Variants in DLGAP4 observed in about 807,000 individuals in gnomAD.
DLGAP4 encodes DLG associated protein 4, also known as disks large-associated protein 4.
DLGAP4 carries 18 observed loss-of-function variants against 86.9 expected under a neutral mutation model. The observed-to-expected ratio is 0.21, with a 90% CI of 0.14 to 0.31. The LOEUF (loss-of-function observed/expected upper bound fraction) is 0.31. Among genes scored for constraint, DLGAP4 ranks in the 10% least tolerant of loss-of-function variants. DLGAP4 has a pLI of 1.00. For missense variants in DLGAP4, 1,085 were observed against 1,362.6 expected (o/e 0.80, Z 3.21); for synonymous variants, 548 against 574.3 (o/e 0.95, Z 0.65).
chr20:36,384,254 C>T (rs1318306952), intron 2 of DLGAP4, among the ~76,000 whole-genome samples: 2 of 152,056 alleles, frequency 1.3e-5, no homozygotes, highest in African/African-American at 4.8e-5. Flanking sequence ...GGTCCCGACG[C>T]CTGGGGGTGC....
At chr20:36,321,358 C>G (rs2067657675) in intron 1 of DLGAP4, among the ~76,000 whole-genome samples, 1 of 152,254 alleles carries the variant, frequency 6.6e-6, no homozygotes. Context: ...CCTCAAGTGC[C>G]AGGCTGAGGG....
At chr20:36,359,859 G>A (rs550706788) in intron 1 of DLGAP4, among the ~76,000 whole-genome samples, 2 of 152,258 alleles carry the variant, frequency 1.3e-5, no homozygotes, top group East Asian at 3.9e-4. Context: ...AGTTCATCGG[G>A]CACTGGGGGC....
chr20:36,442,753 C>G lies in DLGAP4; in HGVS notation c.1383C>G (p.Pro461=). 3.1e-6 allele frequency: 5 copies of G among 1,614,210 alleles called. No individual in the cohort carries two copies. The highest frequency in any genetic ancestry group is 4.2e-6 in the Non-Finnish European group (5 of 1,180,030). The part of the protein sequence containing the change: ...SQIFGQASLI[P]QLFGHEQQVR... ...TTTTTGGACAGGCCTCCCTGATCCCCCAGTTGTTTGGCCATGAGCAGCAGG... is the reference window on the plus strand; with the variant it reads ...TTTTTGGACAGGCCTCCCTGATCCCGCAGTTGTTTGGCCATGAGCAGCAGG... The change falls in exon 6 of 13, where the codon CCC becomes CCG. Residue 461 remains proline (P), a synonymous_variant. Transcript: ENST00000339266.
At chr20:36,461,666 CGGCCCGGCCCGG>C in intron 7 of DLGAP4, 6 of 172,548 alleles carry the variant, frequency 3.5e-5, no homozygotes, top group Non-Finnish European at 5.8e-5. Flanking sequence ...CCGCCCCGCC[CGGCCCGGCCCGG>C]CCCTGCCCCG....
At position 36,431,824 on chromosome 20, in the gene DLGAP4, C is replaced by G; in HGVS notation, c.107C>G (p.Pro36Arg). The change falls in exon 3 of 13, where the codon CCC becomes CGC. Residue 36 changes from proline (P) to arginine (R), a missense_variant. Transcript: ENST00000339266. This position sits in a 1 kb window ranked among gnomAD's most constrained non-coding sequence, Gnocchi z 5.1. Reference protein sequence around the residue: ...GTDRNPYLLSPTEAFAREARF... With the variant: ...GTDRNPYLLSRTEAFAREARF... ...GACCGCAACCCCTACCTGCTGTCGC[C>G]CACGGAGGCCTTCGCCCGCGAGGCC... 1 of 1,613,926 alleles carries G rather than the reference C, an allele frequency of 6.2e-7. No individual in the cohort carries two copies. The highest frequency in any genetic ancestry group is 8.5e-7 in the Non-Finnish European group (1 of 1,179,946).
At chr20:36,490,302 C>G (rs1247727561) in intron 7 of DLGAP4, among the ~76,000 whole-genome samples, 1 of 152,186 alleles carries the variant, frequency 6.6e-6, no homozygotes, top group Non-Finnish European at 1.5e-5. Flanking sequence ...GCTTGGAATT[C>G]TCTTCCCAGC....
At position 36,432,311 on chromosome 20, in the gene DLGAP4, C is replaced by T. The variant is rs199583974; in HGVS notation, c.594C>T (p.Arg198=). ...CTGGGGAGCCCAAACGGCGCAGCCG[C>T]TCCAACATCTCAGGCTGGTGGAGCT... is the stretch of plus-strand genomic sequence containing the variant. ...AKAGEPKRRS[R]SNISGWWSSD... is the part of the protein sequence containing the mutation. The change falls in exon 3 of 13, where the codon CGC becomes CGT. Residue 198 remains arginine, a synonymous_variant. Coordinates refer to ENST00000339266, the MANE Select transcript of DLGAP4 (RefSeq NM_001365621.2). This position sits in a 1 kb window ranked among gnomAD's most constrained non-coding sequence, Gnocchi z 6.5. 3.1e-6 allele frequency: 5 copies of T among 1,613,676 alleles called. No homozygotes were observed. Among genetic ancestry groups the T allele is most frequent in the Non-Finnish European group, 3.4e-6 (4 of 1,179,886 alleles).
At chr20:36,349,711 A>C (rs782018475) in intron 1 of DLGAP4, among the ~76,000 whole-genome samples, 25 of 152,174 alleles carry the variant, frequency 1.6e-4, no homozygotes, top group Admixed American at 4.6e-4. Context: ...GTTGTTCAAC[A>C]GATAAGGTAC....
At chr20:36,499,555 T>C (rs201002983) in intron 8 of DLGAP4, 33 bp from the exon 9 acceptor site, 60 of 1,603,930 alleles carry the variant, frequency 3.7e-5, no homozygotes, top group Non-Finnish European at 5.0e-5. Flanking sequence ...TGTCTTTGTC[T>C]CCGTGCCGTT....
At position 36,357,172 on chromosome 20, in the gene DLGAP4, C is replaced by T. The variant is rs188224418; in HGVS notation, c.-303-9873C>T. 2.3e-3 allele frequency among the ~76,000 whole-genome samples: 356 copies of T among 152,262 alleles called. 3 individuals carry two copies. The highest frequency in any genetic ancestry group is 8.1e-3 in the African/African-American group (337 of 41,534). On this transcript the variant is annotated intron_variant, in intron 1 of 12. Coordinates refer to ENST00000339266, the MANE Select transcript of DLGAP4 (RefSeq NM_001365621.2). ...GAGCCCCCACCTGCATTTCCAGCCCCGTCTCTCCCCTCTCTCCTCTCGTCC... is the reference window on the plus strand; with the variant it reads ...GAGCCCCCACCTGCATTTCCAGCCCTGTCTCTCCCCTCTCTCCTCTCGTCC...
intron 1 of DLGAP4, among the ~76,000 whole-genome samples, chr20:36,327,124 C>T (rs1300925443): frequency 4.0e-5 from 6 of 151,552 alleles, no homozygotes; most frequent in East Asian, 1.9e-4. Context: ...CTCAGCCTCC[C>T]GAGTAGCTGG....
chr20:36,484,835 G>A (rs961251167), intron 7 of DLGAP4, among the ~76,000 whole-genome samples: 1 of 152,350 alleles, frequency 6.6e-6, no homozygotes, highest in Admixed American at 6.5e-5. Flanking sequence ...GGCCACTGCC[G>A]CTGCACGTGC....
At chr20:36,327,736 C>T (rs1275683316) in intron 1 of DLGAP4, among the ~76,000 whole-genome samples, 4 of 147,302 alleles carry the variant, frequency 2.7e-5, no homozygotes, top group Non-Finnish European at 6.1e-5. Flanking sequence ...GGACTACAGG[C>T]GCCCGCCACT....
At chr20:36,357,689 G>A (rs915199003) in intron 1 of DLGAP4, among the ~76,000 whole-genome samples, 3 of 152,216 alleles carry the variant, frequency 2.0e-5, no homozygotes, top group East Asian at 3.8e-4. Flanking sequence ...CGATGAGGTC[G>A]GAGAATGGTT....
Position 36,500,760 on chromosome 20 carries a change from G to T in DLGAP4, c.2512+149G>T, listed in dbSNP as rs1276719957. 10 of 710,246 alleles carry T rather than the reference G, an allele frequency of 1.4e-5. No individual in the cohort carries two copies. In the South Asian group the frequency reaches 4.2e-4, roughly 30 times the overall value. The allele number at this position is 710,246 out of a possible 1,614,324, so 44.0% of individuals were successfully genotyped here. On this transcript the variant is annotated intron_variant, in intron 10 of 12. Transcript: ENST00000339266. This position sits in a 1 kb window ranked among gnomAD's most constrained non-coding sequence, Gnocchi z 4.6. ...TTTGAGCTCCCTTCTTACTTTCTTC[G>T]CATTCTTCCATCCATCCACCTATTT...
At chr20:36,366,715 C>G (rs904756887) in intron 1 of DLGAP4, among the ~76,000 whole-genome samples, 2 of 152,158 alleles carry the variant, frequency 1.3e-5, no homozygotes, top group East Asian at 3.9e-4. Flanking sequence ...TTCTCCCATC[C>G]GGGGAAAAGG....
At chr20:36,455,977 G>A (rs1024574914) in intron 7 of DLGAP4, among the ~76,000 whole-genome samples, 12 of 152,136 alleles carry the variant, frequency 7.9e-5, no homozygotes, top group Admixed American at 7.9e-4. Context: ...CATCATGTCC[G>A]GAGATTGCAA....
intron 1 of DLGAP4, among the ~76,000 whole-genome samples, chr20:36,346,578 T>G (rs1555893015): frequency 6.6e-6 from 1 of 151,942 alleles, no homozygotes. Flanking sequence ...TGGTGTGGGA[T>G]GAGCTGGTAG....
At chr20:36,344,492 T>A (rs1455140790) in intron 1 of DLGAP4, among the ~76,000 whole-genome samples, 2 of 152,180 alleles carry the variant, frequency 1.3e-5, no homozygotes, top group Non-Finnish European at 2.9e-5. Context: ...GTGAGGTCAG[T>A]GCCCTTATTC....
Sources: allele counts gnomAD v4.1 joint callset (sites outside exome capture counted in the v4.1 genomes callset), GRCh38; gene constraint gnomAD v4.1.1; non-coding constraint Gnocchi (gnomAD v3.1); transcripts MANE v1.5; gene names NCBI Gene and HGNC (gene_info 2026-07-23, HGNC 2026-07-21).